The following ERC2 variants were observed in gnomAD, a reference collection of about 807,000 sequenced individuals.
ERC2 encodes the protein ELKS/RAB6-interacting/CAST family member 2, also known as ERC protein 2.
ERC2 carries 42 observed loss-of-function variants against 114.8 expected under a neutral mutation model. The ratio of observed to expected loss-of-function variants is 0.37; its 90% CI spans 0.29 to 0.47. The LOEUF is 0.47. ERC2 is among the 20% of genes least tolerant of loss of function. ERC2 has a pLI of 0.99. For synonymous variants in ERC2, 454 were observed against 425.5 expected, an observed-to-expected ratio of 1.07 and a Z score of -0.82; for missense variants, 939 against 1,150.7, an observed-to-expected ratio of 0.82 and a Z score of 2.66.
At chr3:55,832,639 A>G (rs2060657751) in intron 14 of ERC2, among the ~76,000 whole-genome samples, 1 of 152,242 alleles carries the variant, frequency 6.6e-6, no homozygotes, top group Admixed American at 6.5e-5. Flanking sequence ...AAAAATAGAT[A>G]AAACCACAAA....
intron 3 of ERC2, among the ~76,000 whole-genome samples, chr3:56,266,166 T>C (rs1321892766): frequency 6.9e-6 from 1 of 145,742 alleles, no homozygotes; most frequent in Non-Finnish European, 1.5e-5. Flanking sequence ...AGTCTTGCTC[T>C]GTCTCCCAGG....
chr3:55,832,984 G>A (rs1272142179), intron 14 of ERC2, among the ~76,000 whole-genome samples: 4 of 151,866 alleles, frequency 2.6e-5, no homozygotes, highest in South Asian at 2.1e-4. Context: ...GAGCCAATGC[G>A]ATCAACTGGA....
intron 2 of ERC2, among the ~76,000 whole-genome samples, chr3:56,343,423 T>C (rs981611770): frequency 5.9e-5 from 9 of 151,804 alleles, no homozygotes; most frequent in Non-Finnish European, 1.2e-4. Context: ...CTCTATGCTT[T>C]CGGAGGCAAA....
chr3:55,983,345 T>G (rs2070314075), intron 12 of ERC2, among the ~76,000 whole-genome samples: 1 of 152,224 alleles, frequency 6.6e-6, no homozygotes, highest in African/African-American at 2.4e-5. Flanking sequence ...ATCTCACAAA[T>G]AGTTACTAGA....
rs369454541 is a variant in ERC2 at position 55,758,631 on chromosome 3, G to A, written c.2565-23713C>T. Among the ~76,000 whole-genome samples the A allele has an allele frequency of 1.5e-4, 23 of 152,296 alleles. No individual in the cohort carries two copies. In the South Asian group the frequency reaches 3.7e-3, roughly 25 times the overall value. The stretch of plus-strand genomic sequence containing the variant: ...CTCCTAGGACATCGCTAGCCTACAC[G>A]CCAAGGGCTGGCGTTCAGACAAGGT... On this transcript the variant is annotated intron_variant, in intron 14 of 17. Coordinates refer to ENST00000288221, the MANE Select transcript of ERC2 (RefSeq NM_015576.3).
intron 7 of ERC2, among the ~76,000 whole-genome samples, chr3:56,042,105 CTT>C (rs1434776321): frequency 6.6e-6 from 1 of 152,140 alleles, no homozygotes; most frequent in Non-Finnish European, 1.5e-5. Context: ...CCCCAGGAGT[CTT>C]TTAGAGAAGG....
intron 6 of ERC2, among the ~76,000 whole-genome samples, chr3:56,103,753 A>ATCTG: frequency 6.6e-6 from 1 of 151,212 alleles, no homozygotes. Flanking sequence ...GTATCTATCT[A>ATCTG]TCTATCTATC....
At chr3:55,717,259 C>T (rs2148874342) in intron 15 of ERC2, among the ~76,000 whole-genome samples, 1 of 152,244 alleles carries the variant, frequency 6.6e-6, no homozygotes, top group African/African-American at 2.4e-5. Flanking sequence ...TAATTATTTC[C>T]TCTAATTTCC....
intron 7 of ERC2, among the ~76,000 whole-genome samples, chr3:56,032,893 G>A (rs145206089): frequency 0.027 from 2,307 of 84,654 alleles, 74 homozygotes; most frequent in Admixed American, 0.041. Flanking sequence ...GAAAGAGAGA[G>A]AGAGAGACAG....
chr3:56,027,898 T>C (rs984259348), intron 7 of ERC2, among the ~76,000 whole-genome samples: 4 of 152,186 alleles, frequency 2.6e-5, no homozygotes, highest in Non-Finnish European at 5.9e-5. Flanking sequence ...TTTTCTCCTA[T>C]AGTTTTTCTA....
At chr3:55,514,205 T>C (rs938613766) in intron 17 of ERC2, among the ~76,000 whole-genome samples, 1 of 152,162 alleles carries the variant, frequency 6.6e-6, no homozygotes, top group African/African-American at 2.4e-5. Context: ...GAGACCAACC[T>C]GGGCAACATG....
chr3:55,739,194 A>C lies in ERC2; in HGVS notation c.2565-4276T>G, dbSNP rs538076634. Among the ~76,000 whole-genome samples, 3 of 152,250 alleles carry C rather than the reference A, an allele frequency of 2.0e-5. No individual in the cohort carries two copies. In the South Asian group the frequency reaches 6.2e-4, roughly 32 times the overall value. On this transcript the variant is annotated intron_variant, in intron 14 of 17. Coordinates refer to ENST00000288221, the MANE Select transcript of ERC2 (RefSeq NM_015576.3). ...TTTGGGTTGGTCCCAAGTCTTTGCT[A>C]TTGTGAATAGTGCCGCAATAAACAT... is the stretch of plus-strand genomic sequence containing the variant.
chr3:56,172,616 G>A (rs1336943462), intron 4 of ERC2, among the ~76,000 whole-genome samples: 1 of 152,118 alleles, frequency 6.6e-6, no homozygotes, highest in Non-Finnish European at 1.5e-5. Context: ...TTTTCAGATT[G>A]CAAACATCTT....
chr3:55,905,687 C>T (rs1446899462), intron 13 of ERC2, among the ~76,000 whole-genome samples: 1 of 152,292 alleles, frequency 6.6e-6, no homozygotes, highest in East Asian at 1.9e-4. Flanking sequence ...CTCCTTCCTG[C>T]AGCTGACAAG....
chr3:56,441,314 C>T (rs914122064), intron 1 of ERC2, among the ~76,000 whole-genome samples: 8 of 152,126 alleles, frequency 5.3e-5, no homozygotes, highest in African/African-American at 1.9e-4. Flanking sequence ...CAGCCACCGT[C>T]TTTAATCAGC....
intron 2 of ERC2, among the ~76,000 whole-genome samples, chr3:56,308,147 T>C (rs2056341179): frequency 6.6e-6 from 1 of 152,140 alleles, no homozygotes; most frequent in African/African-American, 2.4e-5. Context: ...CTGCCAACAC[T>C]ATGTCCACTT....
intron 13 of ERC2, among the ~76,000 whole-genome samples, chr3:55,893,747 T>A (rs2063718687): frequency 6.6e-6 from 1 of 152,238 alleles, no homozygotes; most frequent in South Asian, 2.1e-4. Context: ...ATTTCTTGGA[T>A]CCATCATTCC....
At chr3:55,855,830 T>A (rs1028294518) in intron 14 of ERC2, among the ~76,000 whole-genome samples, 1 of 152,238 alleles carries the variant, frequency 6.6e-6, no homozygotes, top group Admixed American at 6.5e-5. Flanking sequence ...TCATACTTTC[T>A]TTGTTGAAAT....
At chr3:55,720,891 C>T (rs920183185) in intron 15 of ERC2, among the ~76,000 whole-genome samples, 19 of 152,114 alleles carry the variant, frequency 1.2e-4, no homozygotes, top group African/African-American at 4.6e-4. Flanking sequence ...TTCTTTAATC[C>T]TTAGGGGTTT....
Sources: gnomAD v4.1 joint callset for allele counts (sites outside exome capture counted in the v4.1 genomes callset) on GRCh38, gnomAD v4.1.1 for gene constraint, MANE v1.5 for transcripts, NCBI Gene and HGNC (gene_info 2026-07-23, HGNC 2026-07-21) for gene names.